Variants in MECOM observed in about 807,000 individuals in gnomAD.
MECOM encodes the protein histone-lysine N-methyltransferase MECOM.
A neutral mutation model predicts 116.3 loss-of-function variants in MECOM; 13 were observed. The observed-to-expected ratio is 0.11, with a 90% CI of 0.07 to 0.18. The LOEUF is 0.18. Ranked by LOEUF, MECOM falls within the 10% of genes least tolerant of loss-of-function variation. The pLI is 1.00. For missense variants in MECOM, 1,299 were observed against 1,509.0 expected, an observed-to-expected ratio of 0.86 and a Z score of 2.31; for synonymous variants, 528 against 535.2, an observed-to-expected ratio of 0.99 and a Z score of 0.19.
At chr3:169,581,326 T>C (rs776985298) in intron 1 of MECOM, among the ~76,000 whole-genome samples, 7 of 152,162 alleles carry the variant, frequency 4.6e-5, no homozygotes, top group Non-Finnish European at 8.8e-5. Context: ...ACTGCTTCCA[T>C]AATCAAAAGT....
chr3:169,530,888 A>T (rs1190205265), intron 1 of MECOM, among the ~76,000 whole-genome samples: 3 of 148,108 alleles, frequency 2.0e-5, no homozygotes, highest in Non-Finnish European at 4.4e-5. Flanking sequence ...TTGAAAATTC[A>T]GATAAGCAGC....
chr3:169,567,941 T>C (rs928419661), intron 1 of MECOM, among the ~76,000 whole-genome samples: 6 of 152,152 alleles, frequency 3.9e-5, no homozygotes, highest in African/African-American at 1.4e-4. Context: ...AATGGCTGAA[T>C]AGGAACAACT....
chr3:169,653,051 G>A (rs1775108099), intron 1 of MECOM, among the ~76,000 whole-genome samples: 1 of 152,156 alleles, frequency 6.6e-6, no homozygotes. Flanking sequence ...ACCTGCACTG[G>A]CAAAATGAGG....
intron 2 of MECOM, among the ~76,000 whole-genome samples, chr3:169,332,558 T>G (rs1722931966): frequency 6.6e-6 from 1 of 152,132 alleles, no homozygotes; most frequent in South Asian, 2.1e-4. Context: ...TCTTGGTACG[T>G]ACATGGTTTA....
intron 1 of MECOM, among the ~76,000 whole-genome samples, chr3:169,575,310 C>T (rs1177682400): frequency 6.6e-6 from 1 of 152,144 alleles, no homozygotes; most frequent in African/African-American, 2.4e-5. Context: ...CTCCCTTTCT[C>T]AATCTAAGCC....
chr3:169,335,699 A>T (rs115871453), intron 2 of MECOM, among the ~76,000 whole-genome samples: 1,745 of 152,258 alleles, frequency 0.011, 30 homozygotes, highest in African/African-American at 0.04. Context: ...TATAATATGT[A>T]TTCATTATTT....
intron 2 of MECOM, among the ~76,000 whole-genome samples, chr3:169,280,318 C>T (rs1711659586): frequency 6.6e-6 from 1 of 152,152 alleles, no homozygotes; most frequent in East Asian, 1.9e-4. Context: ...TCCAAGCCTA[C>T]TTATTTTATT....
In MECOM at chr3:169,102,240, G is replaced by T. The variant is rs1560147383; in HGVS notation, c.2605-14C>A. The T allele has an allele frequency of 1.2e-6, 2 of 1,606,322 alleles. No homozygotes were observed. Among genetic ancestry groups the T allele is most frequent in the Admixed American group, 1.7e-5 (1 of 59,474 alleles). On this transcript the variant is annotated splice_polypyrimidine_tract_variant and intron_variant, in intron 10 of 16. Transcript: ENST00000651503. ...AATAGCTGACATCTGAAAGGTAAAAGCACAAGACCATGAAGCGTTTGGCAT... is the reference window on the plus strand; with the variant it reads ...AATAGCTGACATCTGAAAGGTAAAATCACAAGACCATGAAGCGTTTGGCAT...
intron 10 of MECOM, among the ~76,000 whole-genome samples, chr3:169,103,000 G>A (rs796622413): frequency 1.5e-4 from 23 of 151,406 alleles, no homozygotes; most frequent in African/African-American, 5.1e-4. Context: ...AACTATCCCT[G>A]CCTAATTCTT....
chr3:169,378,489 G>A lies in MECOM; in HGVS notation c.375+2698C>T, dbSNP rs9817539. Reference sequence around the variant, plus strand: ...AGCAAGCAAGCAAGAAAGAGAGAGAGAAAGAAAGAAAGAAAGAAAGAAAGA... The same window carrying A: ...AGCAAGCAAGCAAGAAAGAGAGAGAAAAAGAAAGAAAGAAAGAAAGAAAGA... On this transcript the variant is annotated intron_variant, in intron 2 of 16. Coordinates refer to ENST00000651503, the MANE Select transcript of MECOM (RefSeq NM_004991.4). Among the ~76,000 whole-genome samples, 8 of 30,260 alleles carry A rather than the reference G, an allele frequency of 2.6e-4. 1 individual carries two copies. The highest frequency in any genetic ancestry group is 2.1e-3 in the African/African-American group (6 of 2,892). 19.9% of individuals were successfully genotyped at this position (30,260 alleles called of 152,430 possible). A position where few individuals can be genotyped will look rare whatever the true frequency, so the allele number is the denominator to read the frequency against.
chr3:169,468,948 T>C (rs528901277), intron 1 of MECOM, among the ~76,000 whole-genome samples: 3 of 152,318 alleles, frequency 2.0e-5, no homozygotes, highest in African/African-American at 7.2e-5. Context: ...ATGGTCTTGG[T>C]TGAACTCAAA....
chr3:169,550,135 A>G (rs58923736), intron 1 of MECOM, among the ~76,000 whole-genome samples: 5,298 of 152,274 alleles, frequency 0.035, 314 homozygotes, highest in African/African-American at 0.12. Context: ...CTGTCATTGA[A>G]GAGAAAGTCA....
chr3:169,484,406 C>T (rs1751844225), intron 1 of MECOM, among the ~76,000 whole-genome samples: 1 of 152,054 alleles, frequency 6.6e-6, no homozygotes, highest in Non-Finnish European at 1.5e-5. Context: ...ATTTAAATAT[C>T]ACAGCTGATT....
intron 1 of MECOM, among the ~76,000 whole-genome samples, chr3:169,485,097 A>G (rs573206450): frequency 1.6e-4 from 24 of 152,134 alleles, no homozygotes; most frequent in African/African-American, 5.3e-4. Flanking sequence ...TGGGTTCAAG[A>G]AATTCTCCTG....
At chr3:169,527,877 G>C (rs1406010487) in intron 1 of MECOM, among the ~76,000 whole-genome samples, 1 of 152,164 alleles carries the variant, frequency 6.6e-6, no homozygotes, top group Non-Finnish European at 1.5e-5. Context: ...ACTGTGATAC[G>C]GGCTCTCTCT....
intron 11 of MECOM, 141 bp from the exon 12 acceptor site, chr3:169,101,103 C>A: frequency 2.2e-6 from 1 of 451,512 alleles, no homozygotes; most frequent in Non-Finnish European, 3.9e-6. Context: ...AAATTTACAA[C>A]AAAGCCATTT....
intron 10 of MECOM, 49 bp from the exon 11 acceptor site, chr3:169,102,275 T>G (rs1448029518): frequency 2.6e-6 from 4 of 1,532,434 alleles, no homozygotes; most frequent in Non-Finnish European, 3.5e-6. Context: ...TCTTGTCTTC[T>G]ATAATAATCT....
chr3:169,570,189 C>T (rs928746070), intron 1 of MECOM, among the ~76,000 whole-genome samples: 2 of 152,202 alleles, frequency 1.3e-5, no homozygotes, highest in South Asian at 2.1e-4. Flanking sequence ...TACAAACTCC[C>T]ATCAGAGAAT....
rs116695930 is a variant in MECOM at position 169,367,192 on chromosome 3, G to A, written c.375+13995C>T. 9.2e-3 allele frequency among the ~76,000 whole-genome samples: 1,394 copies of A among 152,190 alleles called. 24 individuals carry two copies. The highest frequency in any genetic ancestry group is 0.032 in the African/African-American group (1,341 of 41,560). ...GAGGAGAGTGAGAATTTTGAGAGGA[G>A]AGAGTCTGAAAGCAGCACCTGCTGG... On this transcript the variant is annotated intron_variant, in intron 2 of 16. Transcript: ENST00000651503.
Sources: gnomAD v4.1 joint callset for allele counts (sites outside exome capture counted in the v4.1 genomes callset) on GRCh38, gnomAD v4.1.1 for gene constraint, MANE v1.5 for transcripts, NCBI Gene and HGNC (gene_info 2026-07-23, HGNC 2026-07-21) for gene names.